PIK3C2G: variants seen among roughly 807,000 people sequenced by gnomAD.
The protein encoded by PIK3C2G is phosphatidylinositol-4-phosphate 3-kinase catalytic subunit type 2 gamma, also known as phosphatidylinositol 3-kinase C2 domain-containing subunit gamma.
PIK3C2G carries 168 observed loss-of-function variants against 181.1 expected under a neutral mutation model. The ratio of observed to expected loss-of-function variants is 0.93; its 90% CI spans 0.82 to 1.05. The LOEUF (loss-of-function observed/expected upper bound fraction) is 1.05, where lower values mean the gene tolerates loss of function less well. PIK3C2G is among the 50% of genes least tolerant of loss of function. The probability of loss-of-function intolerance (pLI) is 0.00; values close to 1 mark genes in which losing one functional copy is unlikely to be tolerated. For missense variants in PIK3C2G, 1,869 were observed against 1,732.8 expected (o/e 1.08, Z -1.40); for synonymous variants, 573 against 592.2 (o/e 0.97, Z 0.47).
chr12:18,481,803 C>T (rs575320185), intron 18 of PIK3C2G, among the ~76,000 whole-genome samples: 1 of 152,142 alleles, frequency 6.6e-6, no homozygotes, highest in South Asian at 2.1e-4. Context: ...GGTCAAGGTT[C>T]CCCAAAATTC....
chr12:18,552,284 T>G (rs1944774389), intron 26 of PIK3C2G, among the ~76,000 whole-genome samples: 1 of 152,166 alleles, frequency 6.6e-6, no homozygotes, highest in Admixed American at 6.5e-5. Context: ...ACAAGACTCT[T>G]TATGCTCAAA....
At chr12:18,505,729 A>G (rs1371773120) in intron 24 of PIK3C2G, among the ~76,000 whole-genome samples, 1 of 152,178 alleles carries the variant, frequency 6.6e-6, no homozygotes. Flanking sequence ...CTGTCATTTG[A>G]AGTAATATTG....
chr12:18,696,735 G>C, the PIK3C2G span, among the ~76,000 whole-genome samples: 1 of 151,938 alleles, frequency 6.6e-6, no homozygotes, highest in Admixed American at 6.6e-5. Flanking sequence ...TAATCCTACT[G>C]AACATTTCAC....
chr12:18,445,050 A>G (rs367843720), intron 18 of PIK3C2G, among the ~76,000 whole-genome samples: 43 of 152,240 alleles, frequency 2.8e-4, no homozygotes, highest in East Asian at 1.5e-3. Flanking sequence ...AAGATCGATT[A>G]TTTAATGAAT....
intron 31 of PIK3C2G, among the ~76,000 whole-genome samples, chr12:18,616,258 C>T (rs957664626): frequency 5.7e-4 from 86 of 152,072 alleles, no homozygotes; most frequent in African/African-American, 1.9e-3. Context: ...TGAGAATTCG[C>T]TGAGTATAAA....
upstream of PIK3C2G, among the ~76,000 whole-genome samples, chr12:18,259,775 T>A (rs891757768): frequency 6.6e-6 from 1 of 152,078 alleles, no homozygotes; most frequent in Non-Finnish European, 1.5e-5. Context: ...TAAATAAAAT[T>A]TGCATTTCAT....
At chr12:18,501,833 C>T (rs1421173299) in intron 22 of PIK3C2G, among the ~76,000 whole-genome samples, 1 of 152,114 alleles carries the variant, frequency 6.6e-6, no homozygotes, top group African/African-American at 2.4e-5. Flanking sequence ...ATTGACATTG[C>T]TGCAGCAAAG....
At chr12:18,505,227 C>A in intron 23 of PIK3C2G, 65 bp from the exon 24 acceptor site, 1 of 1,337,934 alleles carries the variant, frequency 7.5e-7, no homozygotes, top group Non-Finnish European at 1.0e-6. Flanking sequence ...ATGATTACCT[C>A]TGATGCTAAT....
At chr12:18,333,339 C>T (rs1227348750) in intron 8 of PIK3C2G, among the ~76,000 whole-genome samples, 2 of 152,026 alleles carry the variant, frequency 1.3e-5, no homozygotes, top group Non-Finnish European at 2.9e-5. Flanking sequence ...GCAGAACGTG[C>T]AGGTTTGTTA....
chr12:18,328,331 A>G (rs1356932298), intron 8 of PIK3C2G, among the ~76,000 whole-genome samples: 6 of 151,958 alleles, frequency 3.9e-5, no homozygotes, highest in African/African-American at 1.2e-4. Context: ...GGGCAAAATA[A>G]TCTTATTTAA....
intron 31 of PIK3C2G, among the ~76,000 whole-genome samples, chr12:18,633,668 G>A (rs546824406): frequency 1.1e-4 from 16 of 152,216 alleles, no homozygotes; most frequent in Non-Finnish European, 2.1e-4. Flanking sequence ...TGCAGTAGTC[G>A]TCCAATTTGC....
At chr12:18,488,335 C>A in intron 18 of PIK3C2G, 114 bp from the exon 19 acceptor site, 1 of 545,042 alleles carries the variant, frequency 1.8e-6, no homozygotes, top group Non-Finnish European at 2.9e-6. Flanking sequence ...GGTTGTTAAA[C>A]TGCCCAAAGC....
chr12:18,372,006 A>G (rs11833450), intron 13 of PIK3C2G, among the ~76,000 whole-genome samples: 2,400 of 152,280 alleles, frequency 0.016, 77 homozygotes, highest in African/African-American at 0.055. Flanking sequence ...CATATATTGT[A>G]ATGTTAATAT....
chr12:18,587,471 T>C (rs1313489017), intron 29 of PIK3C2G, among the ~76,000 whole-genome samples: 2 of 151,838 alleles, frequency 1.3e-5, no homozygotes, highest in Non-Finnish European at 2.9e-5. Flanking sequence ...ATAAAAAGAA[T>C]AAAATACCTA....
At chr12:18,337,552 G>A (rs570499145) in intron 8 of PIK3C2G, among the ~76,000 whole-genome samples, 5 of 152,090 alleles carry the variant, frequency 3.3e-5, no homozygotes, top group Admixed American at 6.6e-5. Context: ...TTCTGGTGAG[G>A]GCCTCAAGAA....
At chr12:18,292,357 T>C (rs1949752443) in intron 4 of PIK3C2G, among the ~76,000 whole-genome samples, 1 of 150,734 alleles carries the variant, frequency 6.6e-6, no homozygotes, top group African/African-American at 2.4e-5. Flanking sequence ...ATGCATCTCA[T>C]TTCATTTCAT....
chr12:18,538,240 T>G lies in PIK3C2G; in HGVS notation c.3408T>G (p.Phe1136Leu). The G allele has an allele frequency of 6.2e-7, 1 of 1,612,514 alleles. No individual in the cohort carries two copies. Among genetic ancestry groups the G allele is most frequent in the Non-Finnish European group, 8.5e-7 (1 of 1,179,082 alleles). ...GGKNPQHFQDFVELCCRAYNI... is the reference protein window; with the variant it reads ...GGKNPQHFQDLVELCCRAYNI... ...AAAACCCACAGCATTTTCAAGATTT[T>G]GTGGAACTTTGCTGTCGTGCTTATA... Residue 1136 changes from phenylalanine to leucine, a missense_variant, in exon 25 of 33, where the codon TTT becomes TTG. By Grantham distance (22) the Phe-to-Leu change is conservative. Coordinates refer to ENST00000538779, the MANE Select transcript of PIK3C2G (RefSeq NM_001288772.2).
chr12:18,275,255 G>C (rs569997150), intron 1 of PIK3C2G, among the ~76,000 whole-genome samples: 4 of 152,174 alleles, frequency 2.6e-5, no homozygotes, highest in Non-Finnish European at 5.9e-5. Flanking sequence ...GTAAGACTAC[G>C]TTGGCCTTTT....
chr12:18,672,916 G>A, the PIK3C2G span, among the ~76,000 whole-genome samples: 1 of 152,164 alleles, frequency 6.6e-6, no homozygotes, highest in Non-Finnish European at 1.5e-5. Context: ...AAGAGAAAAT[G>A]TCTGGCTCAG....
Sources: gnomAD v4.1 joint callset for allele counts (sites outside exome capture counted in the v4.1 genomes callset) on GRCh38, gnomAD v4.1.1 for gene constraint, MANE v1.5 for transcripts, NCBI Gene and HGNC (gene_info 2026-07-23, HGNC 2026-07-21) for gene names.